OTUD7A: variants seen among roughly 807,000 people sequenced by gnomAD.
OTUD7A encodes OTU deubiquitinase 7A.
Under a neutral mutation model 65.7 loss-of-function variants are expected in OTUD7A, and 12 were observed. The observed-to-expected ratio is 0.18, with a 90% confidence interval of 0.12 to 0.30. OTUD7A has a LOEUF of 0.30. Among genes scored for constraint, OTUD7A ranks in the 10% least tolerant of loss-of-function variants. OTUD7A has a pLI of 1.00. For synonymous variants in OTUD7A, 641 were observed against 586.3 expected (o/e 1.09, Z -1.35); for missense variants, 1,148 against 1,304.8 (o/e 0.88, Z 1.85).
At chr15:31,592,907 ATATATATATATAT>A (rs1889784576) in intron 3 of OTUD7A, among the ~76,000 whole-genome samples, 27 of 48,930 alleles carry the variant, frequency 5.5e-4, no homozygotes, top group South Asian at 1.8e-3. Flanking sequence ...AAAAAAAAAT[ATATATATATATAT>A]ATATATATAT....
At chr15:31,694,221 G>A (rs994191214) in intron 1 of OTUD7A, among the ~76,000 whole-genome samples, 41 of 152,258 alleles carry the variant, frequency 2.7e-4, no homozygotes, top group Non-Finnish European at 5.7e-4. Flanking sequence ...AGGGTCAACA[G>A]GCACTGGCAT....
intron 1 of OTUD7A, among the ~76,000 whole-genome samples, chr15:31,856,913 T>C (rs921188253): frequency 6.6e-6 from 1 of 152,218 alleles, no homozygotes; most frequent in Non-Finnish European, 1.5e-5. Flanking sequence ...GCGCTGTCAC[T>C]GGGCCAGCCC....
Position 31,863,651 on chromosome 15 carries a change from G to A in OTUD7A, c.-100+6856C>T, listed in dbSNP as rs1402728126. ...AGGCTGCACACAGCTCGGGGACCCT[G>A]GGCCCAGTCCATGAAACCACTTTTT... On this transcript the variant is annotated intron_variant, in intron 1 of 12. Coordinates refer to ENST00000307050, the MANE Select transcript of OTUD7A (RefSeq NM_001382637.1). 1.1e-4 allele frequency among the ~76,000 whole-genome samples: 17 copies of A among 152,158 alleles called. 1 individual carries two copies. The highest frequency in any genetic ancestry group is 1.1e-3 in the Admixed American group (17 of 15,284).
chr15:31,541,960 A>G (rs1293020078), intron 5 of OTUD7A, among the ~76,000 whole-genome samples: 1 of 152,188 alleles, frequency 6.6e-6, no homozygotes, highest in Non-Finnish European at 1.5e-5. Flanking sequence ...GTTGACTGTC[A>G]TGAAGACTTG....
At chr15:31,700,507 G>A (rs888471504) in intron 1 of OTUD7A, among the ~76,000 whole-genome samples, 2 of 152,142 alleles carry the variant, frequency 1.3e-5, no homozygotes, top group Non-Finnish European at 2.9e-5. Context: ...ATCTCAATGA[G>A]TTCTGAACTT....
At chr15:31,622,026 T>C (rs936049239) in intron 3 of OTUD7A, among the ~76,000 whole-genome samples, 62 of 152,188 alleles carry the variant, frequency 4.1e-4, no homozygotes, top group Non-Finnish European at 5.6e-4. Flanking sequence ...CTTATGAAGC[T>C]TAGTTTGGCT....
chr15:31,804,307 C>A (rs1290028601), intron 1 of OTUD7A, among the ~76,000 whole-genome samples: 1 of 152,188 alleles, frequency 6.6e-6, no homozygotes, highest in Non-Finnish European at 1.5e-5. Context: ...TGGACGCAAC[C>A]TTAAAACCAC....
At chr15:31,495,399 T>C (rs1032384594) in intron 10 of OTUD7A, among the ~76,000 whole-genome samples, 3 of 152,232 alleles carry the variant, frequency 2.0e-5, no homozygotes, top group Non-Finnish European at 4.4e-5. Context: ...GTCCCTTCCA[T>C]AGCTCCTGGC....
At chr15:31,597,393 T>C (rs1368102386) in intron 3 of OTUD7A, among the ~76,000 whole-genome samples, 3 of 152,198 alleles carry the variant, frequency 2.0e-5, no homozygotes, top group Admixed American at 6.5e-5. Flanking sequence ...AGAAGCTTTT[T>C]AGGTTTTGTT....
chr15:31,674,418 C>T (rs1451111723), intron 1 of OTUD7A, among the ~76,000 whole-genome samples: 5 of 152,160 alleles, frequency 3.3e-5, no homozygotes, highest in African/African-American at 9.7e-5. Context: ...AATGAAGATA[C>T]AAAAAATTGG....
At chr15:31,814,772 C>T (rs1896506660) in intron 1 of OTUD7A, among the ~76,000 whole-genome samples, 1 of 152,138 alleles carries the variant, frequency 6.6e-6, no homozygotes, top group African/African-American at 2.4e-5. Context: ...GATATATCCG[C>T]CTAAGCCTCC....
At chr15:31,783,444 C>T (rs1254758078) in intron 1 of OTUD7A, among the ~76,000 whole-genome samples, 5 of 152,152 alleles carry the variant, frequency 3.3e-5, no homozygotes, top group South Asian at 2.1e-4. Flanking sequence ...TGGAAGAAGC[C>T]GCACAAATTA....
At chr15:31,710,808 T>TCAATTTA (rs1182361864) in intron 1 of OTUD7A, among the ~76,000 whole-genome samples, 1 of 152,210 alleles carries the variant, frequency 6.6e-6, no homozygotes, top group East Asian at 1.9e-4. Flanking sequence ...GCAGTCCCAG[T>TCAATTTA]CAATTTCTAC....
chr15:31,720,489 C>A (rs956581709), intron 1 of OTUD7A, among the ~76,000 whole-genome samples: 15 of 151,784 alleles, frequency 9.9e-5, no homozygotes, highest in Non-Finnish European at 1.8e-4. Context: ...AGGCTCTGCC[C>A]CCCGGGGTTC....
At chr15:31,831,204 TAAAG>T (rs1896922176) in intron 1 of OTUD7A, among the ~76,000 whole-genome samples, 4 of 152,176 alleles carry the variant, frequency 2.6e-5, no homozygotes, top group African/African-American at 7.2e-5. Flanking sequence ...AAAGCTTTAA[TAAAG>T]AAAACAGAAT....
intron 5 of OTUD7A, among the ~76,000 whole-genome samples, chr15:31,555,369 C>A (rs1476025983): frequency 6.6e-6 from 1 of 152,172 alleles, no homozygotes; most frequent in African/African-American, 2.4e-5. Context: ...ATTTCAATCT[C>A]TCATGTATTC....
At chr15:31,562,990 G>A (rs369758453) in intron 4 of OTUD7A, among the ~76,000 whole-genome samples, 37 of 152,180 alleles carry the variant, frequency 2.4e-4, no homozygotes, top group African/African-American at 8.0e-4. Context: ...CAGAAACTCT[G>A]TAATTCAATA....
Position 31,484,007 on chromosome 15 carries a change from T to TGGCGGTGGCGGC in OTUD7A, c.2088_2089insGCCGCCACCGCC (p.Ala696_Thr697insAlaAlaThrAla). 2 of 1,171,248 alleles carry TGGCGGTGGCGGC rather than the reference T, an allele frequency of 1.7e-6. No homozygotes were observed. The highest frequency in any genetic ancestry group is 2.1e-6 in the Non-Finnish European group (2 of 952,252). 72.6% of individuals were successfully genotyped at this position (1,171,248 alleles called of 1,614,324 possible). A position where few individuals can be genotyped will look rare whatever the true frequency, so the allele number is the denominator to read the frequency against. On this transcript the variant is annotated inframe_insertion, in exon 13 of 13. Transcript: ENST00000307050. This position sits in a 1 kb window ranked among gnomAD's most constrained non-coding sequence, Gnocchi z 4.5. The stretch of plus-strand genomic sequence containing the variant: ...GGTCTGCGCGGCGGCCGCTTGGCCG[T>TGGCGGTGGCGGC]GGCGGCGGCGGCGGCGGCGGCAGCG...
intron 1 of OTUD7A, among the ~76,000 whole-genome samples, chr15:31,837,218 G>T (rs557273806): frequency 6.6e-6 from 1 of 152,112 alleles, no homozygotes; most frequent in Admixed American, 6.6e-5. Flanking sequence ...AAAACAATAT[G>T]ATTCATGATC....
Sources: allele counts gnomAD v4.1 joint callset (sites outside exome capture counted in the v4.1 genomes callset), GRCh38; gene constraint gnomAD v4.1.1; non-coding constraint Gnocchi (gnomAD v3.1); transcripts MANE v1.5; gene names NCBI Gene and HGNC (gene_info 2026-07-23, HGNC 2026-07-21).